The following VTI1A variants were observed in gnomAD, a reference collection of about 807,000 sequenced individuals.
VTI1A encodes vesicle transport through interaction with t-SNAREs homolog 1A.
A neutral mutation model predicts 34.9 loss-of-function variants in VTI1A; 22 were observed. The observed-to-expected ratio is 0.63, with a 90% CI of 0.45 to 0.90. The LOEUF (loss-of-function observed/expected upper bound fraction) is 0.90, where lower values mean the gene tolerates loss of function less well. VTI1A is among the 40% of genes least tolerant of loss of function. The pLI, the probability that VTI1A is intolerant of heterozygous loss-of-function variation, is 0.00. For synonymous variants in VTI1A, 87 were observed against 97.3 expected (o/e 0.89, Z 0.62); for missense variants, 268 against 275.6 (o/e 0.97, Z 0.20).
intron 7 of VTI1A, among the ~76,000 whole-genome samples, chr10:112,708,795 A>G (rs975400757): frequency 6.6e-6 from 1 of 152,256 alleles, no homozygotes; most frequent in East Asian, 1.9e-4. Context: ...TATGTTGTAC[A>G]TGCATCCATT....
chr10:112,660,023 A>G (rs1223252955), intron 5 of VTI1A, among the ~76,000 whole-genome samples: 1 of 152,220 alleles, frequency 6.6e-6, no homozygotes, highest in African/African-American at 2.4e-5. Context: ...CAGGATGGGA[A>G]TACATCTGTG....
At chr10:112,605,620 G>A (rs1221021554) in intron 5 of VTI1A, among the ~76,000 whole-genome samples, 1 of 152,178 alleles carries the variant, frequency 6.6e-6, no homozygotes, top group Non-Finnish European at 1.5e-5. Flanking sequence ...CCTTGTGTAA[G>A]ACAGATGGAG....
chr10:112,548,968 T>C, intron 5 of VTI1A: 1 of 662,050 alleles, frequency 1.5e-6, no homozygotes, highest in Non-Finnish European at 2.6e-6. Context: ...TTCTTTCTTC[T>C]CTTCTTCTCC....
At chr10:112,768,691 G>A (rs897401420) in intron 7 of VTI1A, among the ~76,000 whole-genome samples, 1 of 152,160 alleles carries the variant, frequency 6.6e-6, no homozygotes, top group Admixed American at 6.5e-5. Flanking sequence ...CCTGGAGCAG[G>A]GGTGAGGGTG....
Position 112,815,577 on chromosome 10 carries a change from C to T in VTI1A, c.*194C>T, listed in dbSNP as rs1012854871. ...TTTGCATGTGGGTTGGTTTCCTTTT[C>T]GAGGTTTGTCTTCACCCAGATTCGT... On this transcript the variant is annotated 3_prime_UTR_variant, in exon 8 of 8. Transcript: ENST00000393077. 17 of 575,296 alleles carry T rather than the reference C, an allele frequency of 3.0e-5. No individual in the cohort carries two copies. Among genetic ancestry groups the T allele is most frequent in the Non-Finnish European group, 5.0e-5 (16 of 321,456 alleles). 35.6% of individuals were successfully genotyped at this position (575,296 alleles called of 1,614,324 possible).
At chr10:112,458,877 A>G (rs1451515970) in intron 1 of VTI1A, among the ~76,000 whole-genome samples, 1 of 152,062 alleles carries the variant, frequency 6.6e-6, no homozygotes, top group Non-Finnish European at 1.5e-5. Context: ...TATGTTTGCC[A>G]GGGTGGTCTC....
At chr10:112,731,079 G>A (rs992870825) in intron 7 of VTI1A, among the ~76,000 whole-genome samples, 3 of 152,060 alleles carry the variant, frequency 2.0e-5, no homozygotes, top group Non-Finnish European at 4.4e-5. Flanking sequence ...TTCTGGGTCT[G>A]TAATGACTGT....
chr10:112,514,155 G>C (rs1849699983), intron 3 of VTI1A, among the ~76,000 whole-genome samples: 1 of 151,732 alleles, frequency 6.6e-6, no homozygotes, highest in African/African-American at 2.4e-5. Context: ...TTTCTTTGTT[G>C]GGAGACTTTT....
intron 5 of VTI1A, among the ~76,000 whole-genome samples, chr10:112,657,291 A>G (rs934692833): frequency 3.3e-5 from 5 of 152,310 alleles, no homozygotes; most frequent in East Asian, 3.9e-4. Flanking sequence ...TTCAGGCTTA[A>G]TAACTTTACT....
At position 112,711,676 on chromosome 10, in the gene VTI1A, G is replaced by A. The variant is rs540314356; in HGVS notation, c.560+42678G>A. On this transcript the variant is annotated intron_variant, in intron 7 of 7. Transcript: ENST00000393077. ...TAAGTAAACCATCCCAAATCTTGTG[G>A]GGAACAAGATGGAGAATACGCCAAC... 2.0e-5 allele frequency among the ~76,000 whole-genome samples: 3 copies of A among 152,246 alleles called. No individual in the cohort carries two copies. In the East Asian group the frequency reaches 5.8e-4, roughly 29 times the overall value.
chr10:112,622,138 A>G (rs1382768879), intron 5 of VTI1A, among the ~76,000 whole-genome samples: 3 of 152,192 alleles, frequency 2.0e-5, no homozygotes, highest in African/African-American at 7.2e-5. Flanking sequence ...ATAGAGAAAC[A>G]TAGAGTTATC....
intron 7 of VTI1A, among the ~76,000 whole-genome samples, chr10:112,803,715 G>A (rs1450693605): frequency 2.6e-5 from 4 of 152,184 alleles, no homozygotes; most frequent in African/African-American, 9.7e-5. Flanking sequence ...GCAGTGAGCT[G>A]TGATCGTGCC....
chr10:112,500,371 G>C (rs1359190137), intron 3 of VTI1A, among the ~76,000 whole-genome samples: 1 of 151,826 alleles, frequency 6.6e-6, no homozygotes, highest in Non-Finnish European at 1.5e-5. Context: ...GGAGGCAGAG[G>C]TTGCAGTCAG....
chr10:112,837,631 G>A, the VTI1A span, among the ~76,000 whole-genome samples: 3 of 152,212 alleles, frequency 2.0e-5, no homozygotes, highest in African/African-American at 7.2e-5. Flanking sequence ...TGATCTGCAA[G>A]ATGGGAGGGC....
At chr10:112,796,107 G>A (rs1279424159) in intron 7 of VTI1A, among the ~76,000 whole-genome samples, 1 of 152,116 alleles carries the variant, frequency 6.6e-6, no homozygotes, top group Non-Finnish European at 1.5e-5. Context: ...GGATCTAAAA[G>A]CTGTCACGGG....
intron 5 of VTI1A, among the ~76,000 whole-genome samples, chr10:112,540,958 A>G (rs1850843682): frequency 6.6e-6 from 1 of 152,196 alleles, no homozygotes; most frequent in South Asian, 2.1e-4. Context: ...AGACCACAAC[A>G]GTTTTCACCA....
chr10:112,746,291 A>AT (rs1564909594), intron 7 of VTI1A, among the ~76,000 whole-genome samples: 1 of 152,206 alleles, frequency 6.6e-6, no homozygotes, highest in African/African-American at 2.4e-5. Flanking sequence ...CCAAGGACTG[A>AT]TAAATATAGT....
At chr10:112,847,049 G>A in the VTI1A span, among the ~76,000 whole-genome samples, 1 of 152,330 alleles carries the variant, frequency 6.6e-6, no homozygotes, top group East Asian at 1.9e-4. Context: ...TTGGTAATTT[G>A]TTACAGTGGC....
In VTI1A at chr10:112,742,203, C is replaced by T. The variant is rs150179800; in HGVS notation, c.561-73087C>T. On this transcript the variant is annotated intron_variant, in intron 7 of 7. Coordinates refer to ENST00000393077, the MANE Select transcript of VTI1A (RefSeq NM_145206.4). ...CCTGGCAGGTAAAGGCTAACTGGCA[C>T]GTTAAGTTGATTACACAATTTCCTC... Among the ~76,000 whole-genome samples, 723 of 152,264 alleles carry T rather than the reference C, an allele frequency of 4.7e-3. 3 individuals are homozygous for T. Among genetic ancestry groups the T allele is most frequent in the Non-Finnish European group, 7.3e-3 (497 of 68,012 alleles).
Sources: gnomAD v4.1 joint callset for allele counts (sites outside exome capture counted in the v4.1 genomes callset) on GRCh38, gnomAD v4.1.1 for gene constraint, MANE v1.5 for transcripts, NCBI Gene and HGNC (gene_info 2026-07-23, HGNC 2026-07-21) for gene names.